The following GRID1 variants were observed in gnomAD, a reference collection of about 807,000 sequenced individuals.
GRID1 encodes glutamate ionotropic receptor delta type subunit 1, also known as glutamate receptor ionotropic, delta-1.
In GRID1, 28 loss-of-function variants were observed where a neutral mutation model predicts 98.0. The observed-to-expected ratio is 0.29, with a 90% CI of 0.21 to 0.39. The LOEUF is 0.39. GRID1 is among the 10% of genes least tolerant of loss of function. The pLI is 1.00. For synonymous variants in GRID1, 553 were observed against 538.5 expected (o/e 1.03, Z -0.37); for missense variants, 1,111 against 1,340.5 (o/e 0.83, Z 2.67).
chr10:85,891,685 T>G (rs1281557328), intron 5 of GRID1, among the ~76,000 whole-genome samples: 1 of 152,112 alleles, frequency 6.6e-6, no homozygotes, highest in Non-Finnish European at 1.5e-5. Context: ...GAGATCTGCA[T>G]AACAAAGCTC....
At chr10:85,700,354 C>G (rs916063011) in intron 12 of GRID1, among the ~76,000 whole-genome samples, 1 of 152,200 alleles carries the variant, frequency 6.6e-6, no homozygotes, top group African/African-American at 2.4e-5. Context: ...CAGTCAATCT[C>G]CTGTGTCTAT....
intron 2 of GRID1, among the ~76,000 whole-genome samples, chr10:86,298,926 G>A (rs536639452): frequency 1.1e-4 from 17 of 152,210 alleles, no homozygotes; most frequent in Non-Finnish European, 2.1e-4. Flanking sequence ...TGGGTGGCAC[G>A]TGAGGAAGGA....
chr10:86,108,386 G>C (rs139046599), intron 4 of GRID1, among the ~76,000 whole-genome samples: 2 of 152,212 alleles, frequency 1.3e-5, no homozygotes, highest in African/African-American at 2.4e-5. Context: ...GCTCAGAAAA[G>C]TGGTAAGCCT....
At chr10:86,030,538 A>G (rs1843172325) in intron 4 of GRID1, among the ~76,000 whole-genome samples, 1 of 152,220 alleles carries the variant, frequency 6.6e-6, no homozygotes, top group African/African-American at 2.4e-5. Context: ...ATGCATGGGC[A>G]TGCCTTCTTC....
Position 85,912,545 on chromosome 10 carries a change from A to T in GRID1, c.780+3641T>A, listed in dbSNP as rs879696809. On this transcript the variant is annotated intron_variant, in intron 5 of 15. Coordinates refer to ENST00000327946, the MANE Select transcript of GRID1 (RefSeq NM_017551.3). ...GGAAAATGCATAAAACAAATCAAAT[A>T]CAGAGGAGGAAACTGAAAGGCAGAG... Among the ~76,000 whole-genome samples, 686 of 152,360 alleles carry T rather than the reference A, an allele frequency of 4.5e-3. 17 individuals carry two copies. Among genetic ancestry groups the T allele is most frequent in the Admixed American group, 0.038 (584 of 15,304 alleles).
chr10:86,289,092 T>C (rs1334135456), intron 2 of GRID1, among the ~76,000 whole-genome samples: 3 of 152,166 alleles, frequency 2.0e-5, no homozygotes, highest in Admixed American at 6.5e-5. Context: ...ACTTGAAAGA[T>C]GGACTCAGAA....
chr10:85,736,160 G>A (rs1266968513), intron 8 of GRID1, among the ~76,000 whole-genome samples: 3 of 144,778 alleles, frequency 2.1e-5, no homozygotes, highest in African/African-American at 7.7e-5. Flanking sequence ...AAGGAGGGAG[G>A]GAGGGACACA....
chr10:85,797,582 A>C (rs1466256367), intron 8 of GRID1, among the ~76,000 whole-genome samples: 1 of 149,444 alleles, frequency 6.7e-6, no homozygotes, highest in Non-Finnish European at 1.5e-5. Flanking sequence ...GGCATATGCC[A>C]CCACACCCAC....
chr10:85,688,337 T>C (rs1424315398), intron 12 of GRID1, among the ~76,000 whole-genome samples: 1 of 152,230 alleles, frequency 6.6e-6, no homozygotes, highest in South Asian at 2.1e-4. Context: ...AATAACTTGA[T>C]TAGTCATTAA....
At chr10:85,864,690 C>A (rs1195160731) in intron 6 of GRID1, among the ~76,000 whole-genome samples, 1 of 152,092 alleles carries the variant, frequency 6.6e-6, no homozygotes, top group East Asian at 1.9e-4. Flanking sequence ...GTACAGAAAA[C>A]CCTAAAAAAT....
rs77893765 is a variant in GRID1 at position 85,631,785 on chromosome 10, A to T, written c.2194-11752T>A. Among the ~76,000 whole-genome samples, 682 of 152,346 alleles carry T rather than the reference A, an allele frequency of 4.5e-3. 9 individuals are homozygous for T. The highest frequency in any genetic ancestry group is 0.016 in the African/African-American group (652 of 41,586). ...TTAAGAATGACCTAAAAGAAAGAGC[A>T]AATTGGTGTGCCTGGATACAAAATA... On this transcript the variant is annotated intron_variant, in intron 13 of 15. Transcript: ENST00000327946.
intron 2 of GRID1, among the ~76,000 whole-genome samples, chr10:86,299,198 T>TTC (rs1406376130): frequency 5.0e-4 from 1 of 2,010 alleles, no homozygotes; most frequent in Non-Finnish European, 3.2e-3. Context: ...ATAAGATTTC[T>TTC]TTTTTTTTTT....
intron 5 of GRID1, among the ~76,000 whole-genome samples, chr10:85,915,684 ACACT>A (rs202144397): frequency 0.015 from 2,270 of 152,068 alleles, 56 homozygotes; most frequent in African/African-American, 0.051. Context: ...ACACACATAC[ACACT>A]CACATCATAA....
intron 3 of GRID1, among the ~76,000 whole-genome samples, chr10:86,156,728 G>A (rs1845250969): frequency 6.6e-6 from 1 of 152,220 alleles, no homozygotes; most frequent in South Asian, 2.1e-4. Context: ...GATGAGGAAG[G>A]GAATGTCAGA....
At chr10:86,251,821 C>T (rs1846838362) in intron 2 of GRID1, among the ~76,000 whole-genome samples, 1 of 152,104 alleles carries the variant, frequency 6.6e-6, no homozygotes, top group African/African-American at 2.4e-5. Context: ...TTTGATGACC[C>T]TGAGCAGCTC....
At chr10:86,152,490 C>G (rs2168723) in intron 3 of GRID1, among the ~76,000 whole-genome samples, 1 of 152,240 alleles carries the variant, frequency 6.6e-6, no homozygotes, top group African/African-American at 2.4e-5. Flanking sequence ...GCTCTGCGCC[C>G]GAGAGCCCCC....
chr10:85,966,043 A>T (rs1842332503), intron 4 of GRID1, among the ~76,000 whole-genome samples: 1 of 152,302 alleles, frequency 6.6e-6, no homozygotes, highest in African/African-American at 2.4e-5. Flanking sequence ...GGAGCGTCTT[A>T]AAAAGTTCCA....
intron 4 of GRID1, among the ~76,000 whole-genome samples, chr10:86,040,311 C>T (rs1291824690): frequency 6.6e-6 from 1 of 151,996 alleles, no homozygotes; most frequent in Non-Finnish European, 1.5e-5. Context: ...TATTGCAGTG[C>T]TATTCACAAT....
At chr10:86,266,020 C>T (rs1847098123) in intron 2 of GRID1, among the ~76,000 whole-genome samples, 1 of 152,100 alleles carries the variant, frequency 6.6e-6, no homozygotes, top group East Asian at 1.9e-4. Flanking sequence ...AGTGACCCCT[C>T]TCAGAGGCTC....
Sources: gnomAD v4.1 joint callset for allele counts (sites outside exome capture counted in the v4.1 genomes callset) on GRCh38, gnomAD v4.1.1 for gene constraint, MANE v1.5 for transcripts, NCBI Gene and HGNC (gene_info 2026-07-23, HGNC 2026-07-21) for gene names.